Variants in GABRR1 observed in about 807,000 individuals in gnomAD.
GABRR1 encodes gamma-aminobutyric acid type A receptor subunit rho1.
In GABRR1, 59 loss-of-function variants were observed where a neutral mutation model predicts 55.5. The ratio of observed to expected loss-of-function variants is 1.06; its 90% CI spans 0.86 to 1.32. The LOEUF is 1.32. Ranked by LOEUF, GABRR1 falls within the 40% of genes most tolerant of loss-of-function variation. The pLI, the probability that GABRR1 is intolerant of heterozygous loss-of-function variation, is 0.00. For synonymous variants in GABRR1, 213 were observed against 226.0 expected (o/e 0.94, Z 0.51); for missense variants, 602 against 619.1 (o/e 0.97, Z 0.29).
At chr6:89,201,693 G>A (rs921193313) in intron 2 of GABRR1, among the ~76,000 whole-genome samples, 1 of 151,550 alleles carries the variant, frequency 6.6e-6, no homozygotes, top group South Asian at 2.1e-4. Context: ...GCAGGAGAAT[G>A]GTGTGAACCC....
chr6:89,221,646 G>A (rs1582411449), upstream of GABRR1, among the ~76,000 whole-genome samples: 1 of 152,048 alleles, frequency 6.6e-6, no homozygotes, highest in Non-Finnish European at 1.5e-5. Context: ...GAATCCTTGG[G>A]GTCCTGGAAC....
chr6:89,223,763 G>T, intron 1 of GABRR1, among the ~76,000 whole-genome samples: 1 of 144,752 alleles, frequency 6.9e-6, no homozygotes, highest in Admixed American at 6.9e-5. Flanking sequence ...GTATTGCATT[G>T]TGGGTTTTTT....
At chr6:89,187,987 GA>G (rs1771964923) in intron 6 of GABRR1, among the ~76,000 whole-genome samples, 1 of 151,948 alleles carries the variant, frequency 6.6e-6, no homozygotes, top group Admixed American at 6.6e-5. Flanking sequence ...TATTTACCCA[GA>G]AATGGATTTG....
chr6:89,223,983 G>A (rs181389176), intron 1 of GABRR1, among the ~76,000 whole-genome samples: 10 of 151,786 alleles, frequency 6.6e-5, no homozygotes, highest in East Asian at 3.9e-4. Flanking sequence ...AGATGATCTC[G>A]ATCTCTTGAC....
chr6:89,217,061 G>A (rs1029156576), intron 1 of GABRR1, 140 bp downstream of exon 1: 2 of 803,266 alleles, frequency 2.5e-6, no homozygotes, highest in Middle Eastern at 3.1e-4. Context: ...AGCAGCAGGA[G>A]AACAAAGGGA....
At chr6:89,215,404 A>C (rs6454744) in intron 1 of GABRR1, among the ~76,000 whole-genome samples, 45,016 of 152,128 alleles carry the variant, frequency 0.3, 7,432 homozygotes, top group African/African-American at 0.44. Flanking sequence ...AACCTGGAGG[A>C]CATTATGCTT....
At chr6:89,209,443 A>C (rs1355634784) in intron 1 of GABRR1, among the ~76,000 whole-genome samples, 2 of 152,164 alleles carry the variant, frequency 1.3e-5, no homozygotes, top group African/African-American at 2.4e-5. Context: ...CCCCATAGCC[A>C]ATTAAATGTC....
chr6:89,230,430 G>A (rs1441827799), intron 1 of GABRR1, among the ~76,000 whole-genome samples: 216 of 146,264 alleles, frequency 1.5e-3, no homozygotes, highest in Middle Eastern at 3.6e-3. Context: ...GTGATGTACA[G>A]ATGGGTTTTC....
At chr6:89,216,653 G>A (rs1454343277) in intron 1 of GABRR1, among the ~76,000 whole-genome samples, 1 of 152,224 alleles carries the variant, frequency 6.6e-6, no homozygotes, top group African/African-American at 2.4e-5. Context: ...CCACAGGCAA[G>A]CACTTGCCTG....
intron 1 of GABRR1, among the ~76,000 whole-genome samples, chr6:89,207,387 G>A (rs111935295): frequency 0.018 from 2,781 of 152,026 alleles, 44 homozygotes; most frequent in Middle Eastern, 0.034. Context: ...TGGAGTTGGG[G>A]TTTTGCCATG....
chr6:89,199,966 T>G (rs1772412676), intron 3 of GABRR1, among the ~76,000 whole-genome samples: 1 of 152,128 alleles, frequency 6.6e-6, no homozygotes, highest in Non-Finnish European at 1.5e-5. Flanking sequence ...CATTAGATTT[T>G]TTGTTATTTC....
chr6:89,188,800 C>T (rs1771993788), intron 6 of GABRR1, among the ~76,000 whole-genome samples: 1 of 152,056 alleles, frequency 6.6e-6, no homozygotes, highest in African/African-American at 2.4e-5. Context: ...CTTTTGTTGA[C>T]TGCACCTGTG....
At chr6:89,198,394 G>C (rs981363258) in intron 4 of GABRR1, 151 bp from the exon 5 acceptor site, 3 of 305,736 alleles carry the variant, frequency 9.8e-6, no homozygotes. Flanking sequence ...TGCTGCAGTA[G>C]GAGGAAGAGA....
At chr6:89,194,101 C>T (rs1425706443) in intron 5 of GABRR1, among the ~76,000 whole-genome samples, 2 of 152,192 alleles carry the variant, frequency 1.3e-5, no homozygotes, top group African/African-American at 2.4e-5. Flanking sequence ...GCCCTGAGAA[C>T]AGGCTGAGAC....
intron 6 of GABRR1, 28 bp from the exon 7 acceptor site, chr6:89,185,478 A>T (rs764917011): frequency 1.2e-6 from 2 of 1,605,090 alleles, no homozygotes; most frequent in Non-Finnish European, 1.7e-6. Context: ...AGCATCAGAC[A>T]CAAGGTGGTG....
At chr6:89,212,087 T>C in intron 1 of GABRR1, 1 of 552,352 alleles carries the variant, frequency 1.8e-6, no homozygotes, top group Non-Finnish European at 2.1e-6. Flanking sequence ...CATATGTTCA[T>C]ACCAAACTCA....
At chr6:89,210,626 A>G (rs1453151491) in intron 1 of GABRR1, among the ~76,000 whole-genome samples, 1 of 152,172 alleles carries the variant, frequency 6.6e-6, no homozygotes, top group Non-Finnish European at 1.5e-5. Context: ...AGCCATGGGC[A>G]CAGTGCCTGG....
At chr6:89,193,838 C>T (rs1028693897) in intron 5 of GABRR1, among the ~76,000 whole-genome samples, 1 of 152,102 alleles carries the variant, frequency 6.6e-6, no homozygotes, top group Non-Finnish European at 1.5e-5. Context: ...GAGACAGTTC[C>T]CTGGGCCACA....
chr6:89,178,141 C>G lies in GABRR1; in HGVS notation c.*629G>C, dbSNP rs1771598751. ...CTACCAGGGAAAATTTCACCAAAAT[C>G]AGAAGCAATTGCGCCAATCTAAAGA... On this transcript the variant is annotated 3_prime_UTR_variant, in exon 10 of 10. Coordinates refer to ENST00000454853, the MANE Select transcript of GABRR1 (RefSeq NM_002042.5). The G allele has an allele frequency of 6.6e-6, 1 of 152,584 alleles. No homozygotes were observed. The highest frequency in any genetic ancestry group is 1.9e-4 in the East Asian group (1 of 5,188). The allele number at this position is 152,584 out of a possible 1,614,324, so 9.5% of individuals were successfully genotyped here. A position where few individuals can be genotyped will look rare whatever the true frequency, so the allele number is the denominator to read the frequency against.
Sources: gnomAD v4.1 joint callset for allele counts (sites outside exome capture counted in the v4.1 genomes callset) on GRCh38, gnomAD v4.1.1 for gene constraint, MANE v1.5 for transcripts, NCBI Gene and HGNC (gene_info 2026-07-23, HGNC 2026-07-21) for gene names.